PATJ: variants seen among roughly 807,000 people sequenced by gnomAD.
PATJ encodes the protein PATJ crumbs cell polarity complex component, also known as inaD-like protein.
PATJ carries 190 observed loss-of-function variants against 224.9 expected under a neutral mutation model. The ratio of observed to expected loss-of-function variants is 0.84; its 90% CI spans 0.75 to 0.95. The LOEUF is 0.95. Ranked by LOEUF, PATJ falls within the 40% of genes least tolerant of loss-of-function variation. The pLI is 0.00. For missense variants in PATJ, 2,121 were observed against 2,270.3 expected, an observed-to-expected ratio of 0.93 and a Z score of 1.34; for synonymous variants, 769 against 820.3, an observed-to-expected ratio of 0.94 and a Z score of 1.07.
chr1:62,128,985 T>C lies in PATJ; in HGVS notation c.5271+40T>C, dbSNP rs1231657819. ...GGAGCACGCAGCTGTGCAAGGCAGA[T>C]AAGTGGCATGCAAAAAAGATTGAGC... On this transcript the variant is annotated intron_variant, in intron 41 of 43. Transcript: ENST00000642238. The C allele has an allele frequency of 2.2e-6, 3 of 1,358,622 alleles. No individual in the cohort carries two copies. The Admixed American group carries it at 5.1e-5, about 23-fold the overall frequency. The allele number at this position is 1,358,622 out of a possible 1,614,324, so 84.2% of individuals were successfully genotyped here.
intron 27 of PATJ, among the ~76,000 whole-genome samples, chr1:61,948,444 C>T (rs1296378514): frequency 6.6e-6 from 1 of 152,146 alleles, no homozygotes; most frequent in African/African-American, 2.4e-5. Context: ...ATTTATGCAG[C>T]CAACAGACAC....
chr1:61,987,879 GC>G (rs1644848652), intron 27 of PATJ, among the ~76,000 whole-genome samples: 2 of 151,980 alleles, frequency 1.3e-5, no homozygotes, highest in Admixed American at 1.3e-4. Context: ...ATCTTTTCTA[GC>G]CATATCCATT....
chr1:61,886,159 C>G (rs541990496), intron 22 of PATJ, among the ~76,000 whole-genome samples: 7 of 151,652 alleles, frequency 4.6e-5, no homozygotes, highest in African/African-American at 1.7e-4. Context: ...CACATGTACC[C>G]TAAAACTTAA....
chr1:61,983,796 A>G (rs1569612050), intron 27 of PATJ, among the ~76,000 whole-genome samples: 1 of 152,150 alleles, frequency 6.6e-6, no homozygotes, highest in South Asian at 2.1e-4. Flanking sequence ...AAGGAATCTA[A>G]AAAGATACTT....
rs565483008 is a variant in PATJ at position 61,801,607 on chromosome 1, T to A, written c.1403-16T>A. On this transcript the variant is annotated splice_polypyrimidine_tract_variant and intron_variant, in intron 11 of 43. Transcript: ENST00000642238. Reference sequence around the variant, plus strand: ...GCATTAACAAAATTTTAAAAAATTATTTTTTTTTGTTTTAGGAACTGTTGT... The same window carrying A: ...GCATTAACAAAATTTTAAAAAATTAATTTTTTTTGTTTTAGGAACTGTTGT... 1 of 1,301,850 alleles carries A rather than the reference T, an allele frequency of 7.7e-7. No individual in the cohort carries two copies. Among genetic ancestry groups the A allele is most frequent in the Admixed American group, 2.8e-5 (1 of 36,266 alleles). 80.6% of individuals were successfully genotyped at this position (1,301,850 alleles called of 1,614,324 possible). A position where few individuals can be genotyped will look rare whatever the true frequency, so the allele number is the denominator to read the frequency against.
intron 14 of PATJ, among the ~76,000 whole-genome samples, chr1:61,817,333 A>C (rs1410311346): frequency 3.3e-5 from 5 of 152,236 alleles, no homozygotes; most frequent in Non-Finnish European, 5.9e-5. Flanking sequence ...TGTATAACAG[A>C]GTACCTGTTA....
Position 61,797,432 on chromosome 1 carries a change from A to AT in PATJ, c.1402+6dup. 6.2e-7 allele frequency: 1 copy of AT among 1,607,858 alleles called. No homozygotes were observed. The highest frequency in any genetic ancestry group is 8.5e-7 in the Non-Finnish European group (1 of 1,174,878). On this transcript the variant is annotated splice_donor_region_variant and intron_variant, in intron 11 of 43. Transcript: ENST00000642238. Reference sequence around the variant, plus strand: ...CTTGAACCACCTTCAGACAGAGGTGATTAATTTGCCACCCCTCTATCCCTC... The same window carrying AT: ...CTTGAACCACCTTCAGACAGAGGTGATTTAATTTGCCACCCCTCTATCCCTC...
In PATJ at chr1:62,077,886, T is replaced by G. The variant is rs1327502057; in HGVS notation, c.4126-1564T>G. Among the ~76,000 whole-genome samples, 15 of 152,186 alleles carry G rather than the reference T, an allele frequency of 9.9e-5. No individual in the cohort carries two copies. In the East Asian group the frequency reaches 2.7e-3, roughly 27 times the overall value. On this transcript the variant is annotated intron_variant, in intron 31 of 43. Coordinates refer to ENST00000642238, the MANE Select transcript of PATJ (RefSeq NM_001350145.3). ...CACTTGACATTTATGCTTGGTTTTC[T>G]GCAAAAAGAAAAAAAGTAATATTTA...
At position 61,860,379 on chromosome 1, in the gene PATJ, T is replaced by C. The variant is rs191433149; in HGVS notation, c.2323-1172T>C. Among the ~76,000 whole-genome samples, 294 of 152,112 alleles carry C rather than the reference T, an allele frequency of 1.9e-3. 2 individuals are homozygous for C. The highest frequency in any genetic ancestry group is 6.4e-3 in the African/African-American group (266 of 41,508). ...CCCTGGCTGAAATGACTTTAAAAAC[T>C]GCATTATATCTTCAGAAGTGATGGA... On this transcript the variant is annotated intron_variant, in intron 18 of 43. Transcript: ENST00000642238.
intron 5 of PATJ, 46 bp from the exon 6 acceptor site, chr1:61,771,385 C>A: frequency 2.4e-6 from 3 of 1,226,134 alleles, no homozygotes; most frequent in South Asian, 3.4e-5. Context: ...TTTTAAAAAT[C>A]AGGTTATTAG....
At chr1:61,783,997 A>G (rs1305179333) in intron 7 of PATJ, among the ~76,000 whole-genome samples, 1 of 152,094 alleles carries the variant, frequency 6.6e-6, no homozygotes, top group African/African-American at 2.4e-5. Flanking sequence ...AAACAAAAAC[A>G]AAAACAAAAA....
At chr1:61,875,400 A>G in intron 21 of PATJ, 34 bp downstream of exon 21, 1 of 1,562,526 alleles carries the variant, frequency 6.4e-7, no homozygotes, top group Non-Finnish European at 8.7e-7. Context: ...AACACAAATT[A>G]CATTATTTTG....
chr1:62,092,008 A>T (rs1235756826), intron 33 of PATJ, among the ~76,000 whole-genome samples: 1 of 150,722 alleles, frequency 6.6e-6, no homozygotes, highest in Non-Finnish European at 1.5e-5. Flanking sequence ...GTGAGCCGAG[A>T]TCGCACCGCT....
At chr1:61,831,899 C>T (rs1659392317) in intron 16 of PATJ, among the ~76,000 whole-genome samples, 1 of 152,060 alleles carries the variant, frequency 6.6e-6, no homozygotes, top group African/African-American at 2.4e-5. Context: ...AGTACTATTC[C>T]CAATAGCAAA....
chr1:61,939,153 T>C (rs1571392802), intron 27 of PATJ, among the ~76,000 whole-genome samples: 1 of 147,254 alleles, frequency 6.8e-6, no homozygotes, highest in Admixed American at 6.8e-5. Flanking sequence ...AAAAAATTCA[T>C]GTAATTCTAA....
intron 26 of PATJ, among the ~76,000 whole-genome samples, chr1:61,916,239 T>G (rs1673442474): frequency 6.6e-6 from 1 of 152,118 alleles, no homozygotes; most frequent in Non-Finnish European, 1.5e-5. Context: ...ACCTACCACC[T>G]AAAGATAAAC....
chr1:61,743,318 C>T (rs539640374), intron 1 of PATJ, among the ~76,000 whole-genome samples: 82 of 152,358 alleles, frequency 5.4e-4, no homozygotes, highest in South Asian at 2.1e-3. Flanking sequence ...GCGCCCCAGC[C>T]GTCCCGCACG....
chr1:61,927,764 C>T lies in PATJ; in HGVS notation c.3605C>T (p.Pro1202Leu), dbSNP rs148095309. Reference sequence around the variant, plus strand: ...ACTGCTCCACCGCCAATGAAACTTCCTCCTCCTTATAAAGCTCTGACTGAT... The same window carrying T: ...ACTGCTCCACCGCCAATGAAACTTCTTCCTCCTTATAAAGCTCTGACTGAT... The part of the protein sequence containing the change: ...QGTAPPPMKL[P>L]PPYKALTDDS... The change falls in exon 27 of 44, where the codon CCT becomes CTT. Residue 1202 changes from proline (P) to leucine (L), a missense_variant. By Grantham distance (98) the Pro-to-Leu change is moderately conservative. Transcript: ENST00000642238. 1.9e-6 allele frequency: 3 copies of T among 1,613,492 alleles called. No individual in the cohort carries two copies. Among genetic ancestry groups the T allele is most frequent in the Non-Finnish European group, 2.5e-6 (3 of 1,179,696 alleles).
rs1657737341 is a variant in PATJ at position 62,073,207 on chromosome 1, A to G, written c.4126-6243A>G. 6.1e-6 allele frequency: 6 copies of G among 985,424 alleles called. No homozygotes were observed. The South Asian group carries it at 2.3e-4, about 39-fold the overall frequency. 61.0% of individuals were successfully genotyped at this position (985,424 alleles called of 1,614,324 possible). ...GAGATCAGATCTTTTATTACTTGAC[A>G]GGAGGTTGTGGAGTGTCATGCAACC... On this transcript the variant is annotated intron_variant, in intron 31 of 43. Transcript: ENST00000642238.
Sources: gnomAD v4.1 joint callset for allele counts (sites outside exome capture counted in the v4.1 genomes callset) on GRCh38, gnomAD v4.1.1 for gene constraint, MANE v1.5 for transcripts, NCBI Gene and HGNC (gene_info 2026-07-23, HGNC 2026-07-21) for gene names.